SIDT1: variants seen among roughly 807,000 people sequenced by gnomAD.
SIDT1 encodes SID1 transmembrane family member 1, also known as SID1 transmembrane family, member 1.
In SIDT1, 101 loss-of-function variants were observed where a neutral mutation model predicts 107.5. The observed-to-expected ratio is 0.94, with a 90% CI of 0.80 to 1.11. SIDT1 has a LOEUF of 1.11. Among genes scored for constraint, SIDT1 ranks in the 50% least tolerant of loss-of-function variants. The pLI is 0.00. For missense variants in SIDT1, 1,076 were observed against 1,058.2 expected (o/e 1.02, Z -0.23); for synonymous variants, 395 against 398.2 (o/e 0.99, Z 0.10).
At chr3:113,618,614 C>G (rs565274349) in intron 20 of SIDT1, among the ~76,000 whole-genome samples, 13 of 152,252 alleles carry the variant, frequency 8.5e-5, no homozygotes, top group African/African-American at 2.6e-4. Flanking sequence ...TTTAGCCATT[C>G]TAATAGGTGA....
intron 21 of SIDT1, 67 bp from the exon 22 acceptor site, chr3:113,623,360 G>A: frequency 2.0e-6 from 2 of 988,570 alleles, no homozygotes; most frequent in South Asian, 1.3e-5. Flanking sequence ...GGGACTGGGG[G>A]ATTGGAAAAG....
chr3:113,554,787 C>G (rs13074313), intron 1 of SIDT1, among the ~76,000 whole-genome samples: 1 of 152,026 alleles, frequency 6.6e-6, no homozygotes. Context: ...CAACACCAAG[C>G]ACTTACTTTC....
At position 113,576,977 on chromosome 3, in the gene SIDT1, G is replaced by T. The variant is rs755994409; in HGVS notation, c.561+10G>T. 1 of 1,613,900 alleles carries T rather than the reference G, an allele frequency of 6.2e-7. No individual in the cohort carries two copies. Among genetic ancestry groups the T allele is most frequent in the Non-Finnish European group, 8.5e-7 (1 of 1,179,750 alleles). ...CCCCTCTCAACCTCAGGTAAGTGAA[G>T]GGGTTCCAAGAGTTATCAACATCCT... On this transcript the variant is annotated intron_variant, in intron 4 of 24. Transcript: ENST00000264852.
intron 19 of SIDT1, among the ~76,000 whole-genome samples, chr3:113,613,049 T>C (rs759756964): frequency 3.9e-5 from 6 of 152,194 alleles, no homozygotes; most frequent in Non-Finnish European, 7.3e-5. Flanking sequence ...GCAACTAAAT[T>C]AGAAGGCCTA....
intron 10 of SIDT1, 124 bp downstream of exon 10, chr3:113,593,172 A>G: frequency 1.2e-6 from 1 of 836,040 alleles, no homozygotes; most frequent in Admixed American, 1.8e-5. Context: ...CCTATCCCGC[A>G]GAGTAGTCTA....
chr3:113,534,608 C>T (rs1279483817), intron 1 of SIDT1, among the ~76,000 whole-genome samples: 1 of 152,194 alleles, frequency 6.6e-6, no homozygotes, highest in Non-Finnish European at 1.5e-5. Flanking sequence ...CGTGGGAGAA[C>T]TCATCGACTG....
chr3:113,563,229 G>A (rs1368810888), intron 1 of SIDT1, among the ~76,000 whole-genome samples: 3 of 152,166 alleles, frequency 2.0e-5, no homozygotes, highest in African/African-American at 4.8e-5. Flanking sequence ...GAGAAAAGGC[G>A]AACTTTTAAG....
intron 10 of SIDT1, 37 bp downstream of exon 10, chr3:113,593,085 C>T (rs371038826): frequency 1.2e-5 from 19 of 1,559,948 alleles, no homozygotes; most frequent in African/African-American, 4.1e-5. Context: ...AAAATGGTGT[C>T]GCATAGTGTG....
intron 19 of SIDT1, 54 bp downstream of exon 19, chr3:113,612,248 GC>G (rs1945810250): frequency 8.0e-7 from 1 of 1,243,312 alleles, no homozygotes; most frequent in East Asian, 2.3e-5. Context: ...TAATGAAAAA[GC>G]AGACACTGCC....
At chr3:113,540,223 C>T in intron 1 of SIDT1, among the ~76,000 whole-genome samples, 1 of 152,128 alleles carries the variant, frequency 6.6e-6, no homozygotes. Context: ...TGATAACTTA[C>T]TCATTACCAC....
intron 1 of SIDT1, among the ~76,000 whole-genome samples, chr3:113,542,902 TTGTG>T (rs71625216): frequency 0.17 from 25,031 of 145,034 alleles, 2,484 homozygotes; most frequent in East Asian, 0.43. Context: ...TTTTGCTTGG[TTGTG>T]TGTGTGTGTG....
chr3:113,626,028 C>A, intron 23 of SIDT1, 74 bp from the exon 24 acceptor site: 2 of 1,041,872 alleles, frequency 1.9e-6, no homozygotes, highest in Non-Finnish European at 3.0e-6. Flanking sequence ...GTTTTTGTGG[C>A]TTTCTGGACG....
intron 1 of SIDT1, among the ~76,000 whole-genome samples, chr3:113,537,045 T>G (rs6771864): frequency 0.14 from 20,574 of 152,196 alleles, 1,953 homozygotes; most frequent in African/African-American, 0.27. Context: ...GTAGAGACAG[T>G]TGGCAGCAAC....
At chr3:113,573,652 G>T (rs1942659718) in intron 3 of SIDT1, among the ~76,000 whole-genome samples, 1 of 152,122 alleles carries the variant, frequency 6.6e-6, no homozygotes, top group Non-Finnish European at 1.5e-5. Context: ...TCGTGAGAGT[G>T]GAGCCCTTGT....
intron 3 of SIDT1, among the ~76,000 whole-genome samples, chr3:113,576,122 G>T (rs1942879425): frequency 6.6e-6 from 1 of 152,226 alleles, no homozygotes; most frequent in African/African-American, 2.4e-5. Flanking sequence ...GATGCTCACA[G>T]CAGACAGCCC....
chr3:113,621,431 C>T (rs1480457119), intron 21 of SIDT1, among the ~76,000 whole-genome samples: 1 of 150,476 alleles, frequency 6.6e-6, no homozygotes, highest in African/African-American at 2.4e-5. Context: ...ATGGTGAGAC[C>T]CTCTCTCAAA....
intron 1 of SIDT1, among the ~76,000 whole-genome samples, chr3:113,547,632 T>C (rs1025668870): frequency 6.6e-6 from 1 of 152,160 alleles, no homozygotes. Context: ...AGGTATCTTA[T>C]ATTGAAAAGT....
Position 113,619,714 on chromosome 3 carries a change from T to A in SIDT1, c.2078T>A (p.Val693Asp), listed in dbSNP as rs765942083. ...RMVLLVVGNL[V>D]NWSFALFGLI... is the part of the protein sequence containing the mutation. ...GTGTTGCTGGTTGTGGGGAATCTGG[T>A]TAACTGGTCCTTGTAAGTAGTCTTA... is the stretch of plus-strand genomic sequence containing the variant. Residue 693 changes from valine to aspartate, a missense_variant, in exon 21 of 25, where the codon GTT becomes GAT. Val to Asp is a radical substitution (Grantham distance 152, BLOSUM62 -3). Coordinates refer to ENST00000264852, the MANE Select transcript of SIDT1 (RefSeq NM_017699.3). 1.2e-6 allele frequency: 2 copies of A among 1,614,100 alleles called. No homozygotes were observed. Among genetic ancestry groups the A allele is most frequent in the Non-Finnish European group, 1.7e-6 (2 of 1,179,944 alleles).
chr3:113,591,097 G>C (rs976807257), intron 9 of SIDT1, among the ~76,000 whole-genome samples: 4 of 152,200 alleles, frequency 2.6e-5, no homozygotes, highest in Non-Finnish European at 4.4e-5. Context: ...GCAGAGGTTG[G>C]AATGATATAC....
Sources: gnomAD v4.1 joint callset for allele counts (sites outside exome capture counted in the v4.1 genomes callset) on GRCh38, gnomAD v4.1.1 for gene constraint, MANE v1.5 for transcripts, NCBI Gene and HGNC (gene_info 2026-07-23, HGNC 2026-07-21) for gene names.